Variants in C11orf65 observed in about 807,000 individuals in gnomAD.
C11orf65 encodes chromosome 11 open reading frame 65.
C11orf65 carries 38 observed loss-of-function variants against 35.3 expected under a neutral mutation model. That is an observed-to-expected ratio of 1.08 (90% CI 0.83 to 1.41). The LOEUF (loss-of-function observed/expected upper bound fraction) is 1.41. Among genes scored for constraint, C11orf65 ranks in the 40% most tolerant of loss-of-function variants. C11orf65 has a pLI of 0.00. For synonymous variants in C11orf65, 105 were observed against 114.4 expected (o/e 0.92, Z 0.53); for missense variants, 370 against 367.1 (o/e 1.01, Z -0.06).
Position 108,383,136 on chromosome 11 carries a change from T to A in C11orf65, c.827A>T (p.Tyr276Phe). Residue 276 changes from tyrosine to phenylalanine, a missense_variant, in exon 9 of 9, where the codon TAT becomes TTT. Transcript: ENST00000393084. Reference sequence around the variant, plus strand: ...TTGCATCTTTGATATGTCTCCTCCATAGTTATATATGTTTTTCTGTGCTTG... The same window carrying A: ...TTGCATCTTTGATATGTCTCCTCCAAAGTTATATATGTTTTTCTGTGCTTG... Reference protein sequence around the residue: ...FNQAQKNIYNYGGDISKMQMG... With the variant: ...FNQAQKNIYNFGGDISKMQMG... 1 of 1,606,874 alleles carries A rather than the reference T, an allele frequency of 6.2e-7. No individual in the cohort carries two copies. The highest frequency in any genetic ancestry group is 8.5e-7 in the Non-Finnish European group (1 of 1,177,980).
rs1555110379 is a variant in C11orf65, at chr11:108,310,227, G to C, written c.641-1156C>G. ...TTTAAATTATCTAGAAGTTGCCAAG[G>C]TAGCTCAGTCTTGTGCTGCTCACTT... On this transcript the variant is annotated intron_variant, in intron 6 of 6. Transcript: ENST00000525729. 2 of 1,613,602 alleles carry C rather than the reference G, an allele frequency of 1.2e-6. No individual in the cohort carries two copies. Among genetic ancestry groups the C allele is most frequent in the Non-Finnish European group, 1.7e-6 (2 of 1,179,748 alleles).
chr11:108,310,295 T>C lies in C11orf65; in HGVS notation c.641-1224A>G, dbSNP rs1046092637. 1.9e-6 allele frequency: 3 copies of C among 1,613,408 alleles called. No homozygotes were observed. The highest frequency in any genetic ancestry group is 2.5e-6 in the Non-Finnish European group (3 of 1,179,630). On this transcript the variant is annotated intron_variant, in intron 6 of 6. Coordinates refer to the C11orf65 transcript ENST00000525729. Reference sequence around the variant, plus strand: ...CAGAAATCTATGCAGATAAGAAAAGTATGGATGATCAAGAGAAAAGGTAAT... The same window carrying C: ...CAGAAATCTATGCAGATAAGAAAAGCATGGATGATCAAGAGAAAAGGTAAT...
intron 6 of C11orf65, chr11:108,312,313 C>T (rs1565493191): frequency 4.5e-6 from 4 of 880,730 alleles, no homozygotes; most frequent in Non-Finnish European, 7.6e-6. Context: ...TTGTTTGCCA[C>T]CTTCATTAGT....
chr11:108,378,061 G>A (rs892881781), downstream of C11orf65, among the ~76,000 whole-genome samples: 433 of 151,322 alleles, frequency 2.9e-3, 4 homozygotes, highest in African/African-American at 8.9e-3. Context: ...ACTGCCCAAG[G>A]TAATTTATAG....
chr11:108,380,325 T>C (rs1238291286), downstream of C11orf65, among the ~76,000 whole-genome samples: 1 of 152,210 alleles, frequency 6.6e-6, no homozygotes. Flanking sequence ...TAGCCTTAAG[T>C]AGAGATACAC....
downstream of C11orf65, among the ~76,000 whole-genome samples, chr11:108,328,318 C>G (rs1243443025): frequency 6.6e-6 from 1 of 152,204 alleles, no homozygotes; most frequent in East Asian, 1.9e-4. Context: ...GCAATCTCGG[C>G]TCACTGCAAC....
At chr11:108,386,022 T>A in intron 7 of C11orf65, 47 bp from the exon 8 acceptor site, 1 of 1,483,548 alleles carries the variant, frequency 6.7e-7, no homozygotes, top group African/African-American at 1.4e-5. Flanking sequence ...GATTCATTAG[T>A]ACATACTTAG....
intron 2 of C11orf65, among the ~76,000 whole-genome samples, chr11:108,362,850 G>A (rs1441932955): frequency 6.6e-6 from 1 of 150,824 alleles, no homozygotes; most frequent in Non-Finnish European, 1.5e-5. Context: ...CCTAATGCTA[G>A]ATGACGAGTT....
At chr11:108,437,942 G>T (rs1411722745) in intron 2 of C11orf65, among the ~76,000 whole-genome samples, 2 of 151,924 alleles carry the variant, frequency 1.3e-5, no homozygotes, top group African/African-American at 4.8e-5. Context: ...AAACAGTCTT[G>T]AAAAAGAATA....
At chr11:108,410,450 C>T (rs1316105055) in intron 3 of C11orf65, among the ~76,000 whole-genome samples, 3 of 152,142 alleles carry the variant, frequency 2.0e-5, no homozygotes, top group Non-Finnish European at 4.4e-5. Context: ...ACCTCCCTGA[C>T]TCAACTGATC....
At chr11:108,406,487 T>C (rs1018252605) in intron 5 of C11orf65, among the ~76,000 whole-genome samples, 1 of 152,162 alleles carries the variant, frequency 6.6e-6, no homozygotes, top group Admixed American at 6.6e-5. Context: ...ACAATCCGTA[T>C]ACTGGGTATA....
In C11orf65 at chr11:108,326,148, TG is replaced by T; in HGVS notation, c.641-17078del. On this transcript the variant is annotated intron_variant, in intron 6 of 6. Coordinates refer to the C11orf65 transcript ENST00000525729. ...GCAGCTGGAAGAAGCACAAGTATTC[TG>T]GGCAAAAAAGGAGCAGAGTCTTGCC... 6.2e-7 allele frequency: 1 copy of T among 1,614,092 alleles called. No individual in the cohort carries two copies. Among genetic ancestry groups the T allele is most frequent in the Non-Finnish European group, 8.5e-7 (1 of 1,179,996 alleles).
At chr11:108,324,157 C>T (rs1435414063) in intron 6 of C11orf65, among the ~76,000 whole-genome samples, 1 of 152,094 alleles carries the variant, frequency 6.6e-6, no homozygotes, top group African/African-American at 2.4e-5. Flanking sequence ...AACCTGTGCA[C>T]ATTCTCCTAT....
At chr11:108,398,539 A>G (rs747229238) in intron 6 of C11orf65, among the ~76,000 whole-genome samples, 68 of 152,244 alleles carry the variant, frequency 4.5e-4, no homozygotes, top group Non-Finnish European at 8.1e-4. Context: ...GTTATGGATG[A>G]CGATTGTGTT....
At chr11:108,469,296 TAGAA>T (rs963572473), upstream of C11orf65, among the ~76,000 whole-genome samples, 1 of 151,790 alleles carries the variant, frequency 6.6e-6, no homozygotes, top group Non-Finnish European at 1.5e-5. Context: ...TGAAACTAGT[TAGAA>T]GGATAAATTT....
intron 3 of C11orf65, among the ~76,000 whole-genome samples, chr11:108,430,460 G>A (rs901923487): frequency 2.6e-5 from 4 of 151,352 alleles, no homozygotes; most frequent in African/African-American, 7.3e-5. Context: ...CTTAAAAATC[G>A]TTAAGATAGT....
chr11:108,336,666 T>C (rs227064), intron 2 of C11orf65, among the ~76,000 whole-genome samples: 92,972 of 151,990 alleles, frequency 0.61, 28,679 homozygotes, highest in Middle Eastern at 0.76. Flanking sequence ...GCAGGCAAAT[T>C]TGTAGCATGG....
At chr11:108,431,908 T>A in intron 2 of C11orf65, 70 bp from the exon 3 acceptor site, 1 of 901,716 alleles carries the variant, frequency 1.1e-6, no homozygotes, top group Non-Finnish European at 1.6e-6. Context: ...TTTTGTCTAA[T>A]CAGGGCAAAA....
chr11:108,400,609 T>C (rs1173824686), intron 6 of C11orf65, among the ~76,000 whole-genome samples: 2 of 152,190 alleles, frequency 1.3e-5, no homozygotes, highest in South Asian at 2.1e-4. Context: ...AGTTGCAGCA[T>C]ACCAGGTGCC....
Sources: gnomAD v4.1 joint callset for allele counts (sites outside exome capture counted in the v4.1 genomes callset) on GRCh38, gnomAD v4.1.1 for gene constraint, MANE v1.5 for transcripts, NCBI Gene and HGNC (gene_info 2026-07-23, HGNC 2026-07-21) for gene names.